The following PTPRD variants were observed in gnomAD, a reference collection of about 807,000 sequenced individuals.
The protein encoded by PTPRD is receptor-type tyrosine-protein phosphatase delta.
PTPRD carries 34 observed loss-of-function variants against 214.5 expected under a neutral mutation model. That is an observed-to-expected ratio of 0.16 (90% CI 0.12 to 0.21). The LOEUF (loss-of-function observed/expected upper bound fraction) is 0.21. Ranked by LOEUF, PTPRD falls within the 10% of genes least tolerant of loss-of-function variation. The pLI, the probability that PTPRD is intolerant of heterozygous loss-of-function variation, is 1.00. For missense variants in PTPRD, 2,545 were observed against 2,398.7 expected, an observed-to-expected ratio of 1.06 and a Z score of -1.27; for synonymous variants, 1,128 against 845.7, an observed-to-expected ratio of 1.33 and a Z score of -5.79.
At chr9:10,195,710 A>T (rs1216252604) in intron 3 of PTPRD, among the ~76,000 whole-genome samples, 1 of 152,162 alleles carries the variant, frequency 6.6e-6, no homozygotes, top group Non-Finnish European at 1.5e-5. Context: ...CAAATAAGAT[A>T]AAAAAATAAA....
intron 7 of PTPRD, among the ~76,000 whole-genome samples, chr9:9,633,822 A>G (rs946747199): frequency 4.6e-5 from 7 of 152,180 alleles, no homozygotes; most frequent in African/African-American, 7.2e-5. Flanking sequence ...CTATTTCAAA[A>G]TAATGTGTTG....
chr9:10,288,991 G>C (rs935473390), intron 3 of PTPRD, among the ~76,000 whole-genome samples: 4 of 150,912 alleles, frequency 2.7e-5, no homozygotes, highest in African/African-American at 9.7e-5. Context: ...CCAAGACAAA[G>C]CTCCCTAACT....
chr9:10,091,486 G>C (rs2098429832), intron 3 of PTPRD, among the ~76,000 whole-genome samples: 1 of 151,442 alleles, frequency 6.6e-6, no homozygotes, highest in African/African-American at 2.4e-5. Context: ...CATTTCAAAT[G>C]AGATTATAAA....
intron 4 of PTPRD, among the ~76,000 whole-genome samples, chr9:10,006,534 G>T (rs145808307): frequency 3.3e-5 from 5 of 151,818 alleles, no homozygotes; most frequent in African/African-American, 1.2e-4. Flanking sequence ...CAGAATTCAG[G>T]GTATTAGCAT....
At chr9:10,126,558 G>T (rs1020555305) in intron 3 of PTPRD, among the ~76,000 whole-genome samples, 1 of 151,492 alleles carries the variant, frequency 6.6e-6, no homozygotes, top group Admixed American at 6.6e-5. Context: ...CATCAATGTT[G>T]TTATAACTCA....
At chr9:9,558,994 C>T (rs1044684237) in intron 8 of PTPRD, among the ~76,000 whole-genome samples, 21 of 152,276 alleles carry the variant, frequency 1.4e-4, no homozygotes, top group South Asian at 4.1e-4. Flanking sequence ...TCTAAGTAGG[C>T]GCCCCACATC....
In PTPRD at chr9:10,111,229, C is replaced by CTTTTT. The variant is rs34045121; in HGVS notation, c.-544-77444_-544-77440dup. Among the ~76,000 whole-genome samples the CTTTTT allele has an allele frequency of 5.5e-4, 40 of 72,192 alleles. 7 individuals are homozygous for CTTTTT. The highest frequency in any genetic ancestry group is 1.4e-3 in the African/African-American group (25 of 17,516). 47.4% of individuals were successfully genotyped at this position (72,192 alleles called of 152,430 possible). A position where few individuals can be genotyped will look rare whatever the true frequency, so the allele number is the denominator to read the frequency against. ...AATCTGTGTGCTTCCAGTTTAGTTTCTTTTTTTTTTTTTTTTTTTTTTTTT... is the reference window on the plus strand; with the variant it reads ...AATCTGTGTGCTTCCAGTTTAGTTTCTTTTTTTTTTTTTTTTTTTTTTTTTTTTTT... On this transcript the variant is annotated intron_variant, in intron 3 of 45. Transcript: ENST00000381196.
chr9:9,778,412 G>C (rs2098816159), intron 5 of PTPRD, among the ~76,000 whole-genome samples: 1 of 152,170 alleles, frequency 6.6e-6, no homozygotes, highest in Admixed American at 6.5e-5. Flanking sequence ...GTGGTGTGTA[G>C]CACAGAAATG....
intron 2 of PTPRD, among the ~76,000 whole-genome samples, chr9:10,428,562 C>G (rs970638872): frequency 2.0e-5 from 3 of 151,960 alleles, no homozygotes; most frequent in Non-Finnish European, 2.9e-5. Flanking sequence ...TTGGAATAAG[C>G]CTTGACAACT....
chr9:8,352,402 T>C (rs1415611368), intron 39 of PTPRD, among the ~76,000 whole-genome samples: 1 of 152,188 alleles, frequency 6.6e-6, no homozygotes, highest in Non-Finnish European at 1.5e-5. Flanking sequence ...AACTATATCA[T>C]TCACACAGAG....
At chr9:8,343,406 CAG>C (rs199677432) in intron 39 of PTPRD, among the ~76,000 whole-genome samples, 1,982 of 152,140 alleles carry the variant, frequency 0.013, 34 homozygotes, top group African/African-American at 0.046. Context: ...CCTTCTGAGA[CAG>C]AGAGTCCTAC....
intron 7 of PTPRD, among the ~76,000 whole-genome samples, chr9:9,678,701 CA>C (rs2096990872): frequency 6.6e-6 from 1 of 151,468 alleles, no homozygotes; most frequent in South Asian, 2.1e-4. Context: ...AAGAAAAAAA[CA>C]AAACTCTAAA....
intron 3 of PTPRD, among the ~76,000 whole-genome samples, chr9:10,043,871 T>C (rs2097341574): frequency 6.6e-6 from 1 of 151,864 alleles, no homozygotes; most frequent in South Asian, 2.1e-4. Context: ...ACAAAATGAC[T>C]TGCAGTTCCA....
chr9:8,913,337 G>A (rs765205579), intron 11 of PTPRD, among the ~76,000 whole-genome samples: 4 of 151,976 alleles, frequency 2.6e-5, no homozygotes, highest in South Asian at 4.1e-4. Context: ...TTTAGAATCC[G>A]CCTTTGTAAG....
At chr9:8,493,838 A>G (rs1051991258) in intron 26 of PTPRD, among the ~76,000 whole-genome samples, 4 of 152,304 alleles carry the variant, frequency 2.6e-5, no homozygotes, top group African/African-American at 9.6e-5. Flanking sequence ...GGTGGTTATA[A>G]GACCAGATGC....
chr9:10,321,336 G>A (rs572418408), intron 3 of PTPRD, among the ~76,000 whole-genome samples: 1 of 152,140 alleles, frequency 6.6e-6, no homozygotes, highest in African/African-American at 2.4e-5. Context: ...TATGAAGAGT[G>A]AGAAGGGCAT....
intron 7 of PTPRD, among the ~76,000 whole-genome samples, chr9:9,673,235 C>A (rs1338198569): frequency 6.6e-6 from 1 of 151,720 alleles, no homozygotes; most frequent in African/African-American, 2.4e-5. Flanking sequence ...GATTTCTTTC[C>A]CTATTAATTT....
chr9:10,357,498 A>G (rs574727603), intron 2 of PTPRD, among the ~76,000 whole-genome samples: 44 of 152,250 alleles, frequency 2.9e-4, no homozygotes, highest in African/African-American at 1.1e-3. Context: ...ATTAGCATTT[A>G]CATGGTGGAG....
At chr9:9,025,346 G>T (rs1569454860) in intron 10 of PTPRD, among the ~76,000 whole-genome samples, 1 of 151,968 alleles carries the variant, frequency 6.6e-6, no homozygotes, top group Non-Finnish European at 1.5e-5. Context: ...CCAATGCTTT[G>T]TCTTAATGTT....
Sources: allele counts gnomAD v4.1 joint callset (sites outside exome capture counted in the v4.1 genomes callset), GRCh38; gene constraint gnomAD v4.1.1; transcripts MANE v1.5; gene names NCBI Gene and HGNC (gene_info 2026-07-23, HGNC 2026-07-21).